Variants in RABGAP1L observed in about 807,000 individuals in gnomAD.
The protein encoded by RABGAP1L is RAB GTPase activating protein 1 like.
A neutral mutation model predicts 137.7 loss-of-function variants in RABGAP1L; 63 were observed. That is an observed-to-expected ratio of 0.46 (90% CI 0.37 to 0.56). The LOEUF is 0.56. Ranked by LOEUF, RABGAP1L falls within the 20% of genes least tolerant of loss-of-function variation. The pLI is 0.00. For missense variants in RABGAP1L, 1,095 were observed against 1,244.0 expected (o/e 0.88, Z 1.80); for synonymous variants, 431 against 433.7 (o/e 0.99, Z 0.08).
intron 14 of RABGAP1L, among the ~76,000 whole-genome samples, chr1:174,670,747 A>G (rs1162184355): frequency 1.3e-5 from 2 of 152,192 alleles, no homozygotes; most frequent in Non-Finnish European, 2.9e-5. Context: ...AAGGCTGAAT[A>G]GTACTCCATT....
At chr1:174,320,768 G>A (rs1033753218) in intron 11 of RABGAP1L, among the ~76,000 whole-genome samples, 2 of 151,974 alleles carry the variant, frequency 1.3e-5, no homozygotes, top group African/African-American at 2.4e-5. Flanking sequence ...CATCATCTTC[G>A]TAAGCTGAGG....
chr1:174,843,468 A>C (rs1693683055), intron 19 of RABGAP1L, among the ~76,000 whole-genome samples: 1 of 149,740 alleles, frequency 6.7e-6, no homozygotes, highest in Non-Finnish European at 1.5e-5. Flanking sequence ...ATGAGGGAGA[A>C]TATGCGGTGT....
At chr1:174,812,328 T>G in intron 19 of RABGAP1L, among the ~76,000 whole-genome samples, 1 of 152,246 alleles carries the variant, frequency 6.6e-6, no homozygotes, top group South Asian at 2.1e-4. Flanking sequence ...AGGCAATGCT[T>G]TCATTTCTCT....
At position 174,522,872 on chromosome 1, in the gene RABGAP1L, A is replaced by G. The variant is rs1029622204; in HGVS notation, c.1711-114503A>G. Among the ~76,000 whole-genome samples the G allele has an allele frequency of 4.7e-4, 71 of 152,322 alleles. 1 individual carries two copies. Among genetic ancestry groups the G allele is most frequent in the African/African-American group, 1.6e-3 (68 of 41,570 alleles). The stretch of plus-strand genomic sequence containing the variant: ...AGGATAGCATGAAGAGGATGGTGCT[A>G]AATCATTCATGAGAAATCTGCTCCC... On this transcript the variant is annotated intron_variant, in intron 13 of 25. Coordinates refer to ENST00000681986, the MANE Select transcript of RABGAP1L (RefSeq NM_001366446.1).
At chr1:174,877,642 T>A in intron 19 of RABGAP1L, 1 of 1,591,310 alleles carries the variant, frequency 6.3e-7, no homozygotes, top group Non-Finnish European at 8.6e-7. Context: ...GGTTCTGTAT[T>A]TTCTTTTCTA....
intron 10 of RABGAP1L, among the ~76,000 whole-genome samples, chr1:174,297,587 T>A: frequency 6.6e-6 from 1 of 152,144 alleles, no homozygotes; most frequent in East Asian, 1.9e-4. Flanking sequence ...GCTGTTAGAT[T>A]AAGGATAAGG....
intron 13 of RABGAP1L, among the ~76,000 whole-genome samples, chr1:174,486,237 TTTG>T (rs1212912708): frequency 6.7e-6 from 1 of 149,724 alleles, no homozygotes; most frequent in Non-Finnish European, 1.5e-5. Flanking sequence ...TTTTTTTTTT[TTTG>T]TCTGGCTAAA....
chr1:174,246,604 C>CATAGCATTTATA (rs1380920986), intron 5 of RABGAP1L, among the ~76,000 whole-genome samples: 11 of 152,128 alleles, frequency 7.2e-5, no homozygotes, highest in African/African-American at 2.7e-4. Context: ...AAACCATTCA[C>CATAGCATTTATA]ATAGCATTTA....
chr1:174,420,976 G>A (rs904320247), intron 13 of RABGAP1L, among the ~76,000 whole-genome samples: 13 of 152,022 alleles, frequency 8.6e-5, no homozygotes, highest in African/African-American at 2.7e-4. Context: ...CGCCTGGCTG[G>A]ATTCAGGTTT....
At chr1:174,776,381 T>TA (rs202193179) in intron 18 of RABGAP1L, among the ~76,000 whole-genome samples, 22 of 148,170 alleles carry the variant, frequency 1.5e-4, no homozygotes, top group South Asian at 4.3e-4. Flanking sequence ...TCTCAAAAAA[T>TA]AAAAAAAAAA....
intron 11 of RABGAP1L, among the ~76,000 whole-genome samples, chr1:174,360,451 A>G (rs776008905): frequency 1.3e-5 from 2 of 152,210 alleles, no homozygotes; most frequent in Admixed American, 1.3e-4. Flanking sequence ...CTGTATAGTC[A>G]TAAAAGTTAT....
At chr1:174,932,622 T>C (rs1171503652) in intron 19 of RABGAP1L, among the ~76,000 whole-genome samples, 2 of 152,176 alleles carry the variant, frequency 1.3e-5, no homozygotes, top group African/African-American at 4.8e-5. Flanking sequence ...TTCCCCTTCC[T>C]GACAAATAAG....
At chr1:174,784,188 T>G (rs1048818293) in intron 18 of RABGAP1L, among the ~76,000 whole-genome samples, 1 of 151,288 alleles carries the variant, frequency 6.6e-6, no homozygotes, top group African/African-American at 2.4e-5. Flanking sequence ...CCCGGCCAAT[T>G]TTTTGTATTT....
chr1:174,276,894 T>C (rs932757756), intron 9 of RABGAP1L, among the ~76,000 whole-genome samples: 4 of 152,096 alleles, frequency 2.6e-5, no homozygotes, highest in Non-Finnish European at 4.4e-5. Context: ...TTAAACTAAA[T>C]TTAAAGTTTT....
intron 13 of RABGAP1L, among the ~76,000 whole-genome samples, chr1:174,616,168 G>A (rs936414999): frequency 3.3e-5 from 5 of 152,210 alleles, no homozygotes; most frequent in South Asian, 2.1e-4. Context: ...TGTCTTCTGC[G>A]TCGCTCATGC....
chr1:174,808,107 C>T (rs542377745), intron 18 of RABGAP1L, among the ~76,000 whole-genome samples: 1 of 151,862 alleles, frequency 6.6e-6, no homozygotes, highest in East Asian at 1.9e-4. Context: ...CCTCAGCCTC[C>T]CCAGTAGCTG....
rs1364572428 is a variant in RABGAP1L, at chr1:174,275,938, G to C, written c.1156+3G>C. ...ACTTAACGAGGAAACCCCAAAAGGTGACTTTTCTTAAAAGATCCCTTATTG... is the reference window on the plus strand; with the variant it reads ...ACTTAACGAGGAAACCCCAAAAGGTCACTTTTCTTAAAAGATCCCTTATTG... On this transcript the variant is annotated splice_donor_region_variant and intron_variant, in intron 9 of 25. Coordinates refer to ENST00000681986, the MANE Select transcript of RABGAP1L (RefSeq NM_001366446.1). 1 of 1,605,262 alleles carries C rather than the reference G, an allele frequency of 6.2e-7. No individual in the cohort carries two copies. Among genetic ancestry groups the C allele is most frequent in the Admixed American group, 1.7e-5 (1 of 59,620 alleles).
At chr1:174,803,116 C>G (rs1024120912) in intron 18 of RABGAP1L, among the ~76,000 whole-genome samples, 25 of 151,954 alleles carry the variant, frequency 1.6e-4, no homozygotes, top group African/African-American at 6.0e-4. Context: ...TGAAGATTTA[C>G]CAAGATAGTG....
At chr1:174,502,377 C>T (rs1235986171) in intron 13 of RABGAP1L, among the ~76,000 whole-genome samples, 1 of 151,502 alleles carries the variant, frequency 6.6e-6, no homozygotes, top group Admixed American at 6.6e-5. Context: ...GAACAAACCC[C>T]ACTGAAGTCC....
Sources: allele counts gnomAD v4.1 joint callset (sites outside exome capture counted in the v4.1 genomes callset), GRCh38; gene constraint gnomAD v4.1.1; transcripts MANE v1.5; gene names NCBI Gene and HGNC (gene_info 2026-07-23, HGNC 2026-07-21).